TRPC7: variants seen among roughly 807,000 people sequenced by gnomAD.
TRPC7 encodes short transient receptor potential channel 7.
In TRPC7, 42 loss-of-function variants were observed where a neutral mutation model predicts 90.1. That is an observed-to-expected ratio of 0.47 (90% confidence interval 0.36 to 0.60). TRPC7 has a LOEUF of 0.60. Among genes scored for constraint, TRPC7 ranks in the 20% least tolerant of loss-of-function variants. The pLI is 0.00. For synonymous variants in TRPC7, 451 were observed against 436.3 expected (o/e 1.03, Z -0.42); for missense variants, 955 against 1,112.3 (o/e 0.86, Z 2.01).
chr5:136,304,340 T>TA (rs1758525945), intron 3 of TRPC7, among the ~76,000 whole-genome samples: 1 of 152,240 alleles, frequency 6.6e-6, no homozygotes, highest in Non-Finnish European at 1.5e-5. Flanking sequence ...TAAAGCCTGT[T>TA]ATCACTCGCC....
intron 2 of TRPC7, among the ~76,000 whole-genome samples, chr5:136,336,662 C>A (rs1759676364): frequency 6.6e-6 from 1 of 152,046 alleles, no homozygotes; most frequent in African/African-American, 2.4e-5. Flanking sequence ...CTCCCCCTTT[C>A]CCCCGATCCC....
Position 136,365,256 on chromosome 5 carries a change from GA to G in TRPC7, c.-3del, listed in dbSNP as rs1760685879. 1 of 1,537,120 alleles carries G rather than the reference GA, an allele frequency of 6.5e-7. No individual in the cohort carries two copies. Among genetic ancestry groups the G allele is most frequent in the Non-Finnish European group, 8.7e-7 (1 of 1,146,844 alleles). On this transcript the variant is annotated 5_prime_UTR_variant, in exon 1 of 12. Transcript: ENST00000513104. ...AAGAACCATCATAGCTGCTTACATT[GA>G]GGGTGTAATACGCAGGCTTGTTCCT...
intron 2 of TRPC7, among the ~76,000 whole-genome samples, chr5:136,319,044 G>A (rs1260220576): frequency 6.6e-6 from 1 of 152,070 alleles, no homozygotes; most frequent in African/African-American, 2.4e-5. Flanking sequence ...GCTGATTATT[G>A]TGCTGTAAAC....
Position 136,251,684 on chromosome 5 carries a change from A to T in TRPC7, c.1544T>A (p.Val515Asp). The T allele has an allele frequency of 6.2e-7, 1 of 1,611,648 alleles. No individual in the cohort carries two copies. The highest frequency in any genetic ancestry group is 8.5e-7 in the Non-Finnish European group (1 of 1,178,034). The change falls in exon 6 of 12, where the codon GTC becomes GAC. Residue 515 changes from valine to aspartate, a missense_variant. Val to Asp is a radical substitution (Grantham distance 152, BLOSUM62 -3). This residue lies in a region of TRPC7 where 484 missense variants were observed against 509.6 expected (regional missense o/e 0.95). Coordinates refer to ENST00000513104, the MANE Select transcript of TRPC7 (RefSeq NM_020389.3). ...GTATGCCACTTCCGGCGGAAGCGAG[A>T]CATTGTGCAGCGTGTCGTCCTGCAC... ...QHVQDDTLHN[V>D]SLPPEVAYFT...
intron 10 of TRPC7, among the ~76,000 whole-genome samples, chr5:136,219,860 C>T (rs186945029): frequency 1.3e-5 from 2 of 152,316 alleles, no homozygotes; most frequent in East Asian, 3.9e-4. Flanking sequence ...ACCAGTTTTG[C>T]CACCAGAAAG....
At chr5:136,272,601 G>A (rs1757242054) in intron 4 of TRPC7, among the ~76,000 whole-genome samples, 1 of 152,024 alleles carries the variant, frequency 6.6e-6, no homozygotes, top group African/African-American at 2.4e-5. Context: ...GCTCAGACTT[G>A]GAATCTAGAA....
intron 2 of TRPC7, among the ~76,000 whole-genome samples, chr5:136,322,496 C>T (rs1017065482): frequency 3.3e-5 from 5 of 152,076 alleles, no homozygotes; most frequent in Non-Finnish European, 7.4e-5. Context: ...TGTTCTAATG[C>T]TCCATATTTT....
At chr5:136,291,744 G>A (rs1214632493) in intron 3 of TRPC7, among the ~76,000 whole-genome samples, 8 of 152,088 alleles carry the variant, frequency 5.3e-5, no homozygotes, top group African/African-American at 1.9e-4. Context: ...GAGACAGAAA[G>A]TTAACAAGGA....
In TRPC7 at chr5:136,279,223, AC is replaced by A. The variant is rs368266768; in HGVS notation, c.964-4387del. 5.1e-3 allele frequency among the ~76,000 whole-genome samples: 779 copies of A among 152,300 alleles called. 5 individuals carry two copies. The highest frequency in any genetic ancestry group is 0.017 in the African/African-American group (719 of 41,580). ...CCAGTTTTCTAGACCAAGAGAGATT[AC>A]TTACACAAATGACCTTAATTGTTGG... On this transcript the variant is annotated intron_variant, in intron 3 of 11. Coordinates refer to ENST00000513104, the MANE Select transcript of TRPC7 (RefSeq NM_020389.3).
intron 10 of TRPC7, among the ~76,000 whole-genome samples, chr5:136,219,660 G>A (rs1755388211): frequency 6.6e-6 from 1 of 152,212 alleles, no homozygotes; most frequent in South Asian, 2.1e-4. Context: ...CAGCTACCTG[G>A]CAGGTTGAGG....
At chr5:136,252,561 C>T (rs1307868431) in intron 5 of TRPC7, among the ~76,000 whole-genome samples, 2 of 149,022 alleles carry the variant, frequency 1.3e-5, no homozygotes, top group East Asian at 3.9e-4. Flanking sequence ...TCCTCTAAGC[C>T]AGCAGCCCTT....
intron 2 of TRPC7, among the ~76,000 whole-genome samples, chr5:136,347,809 C>T (rs748794725): frequency 2.2e-4 from 33 of 152,322 alleles, no homozygotes; most frequent in Non-Finnish European, 4.6e-4. Context: ...TGTTCTGCTT[C>T]CTGTCCCTAT....
intron 2 of TRPC7, among the ~76,000 whole-genome samples, chr5:136,328,569 G>A (rs745608812): frequency 4.5e-4 from 69 of 152,208 alleles, no homozygotes; most frequent in Non-Finnish European, 8.4e-4. Context: ...CATCATGGCT[G>A]TATGATTTTG....
chr5:136,289,291 G>C (rs1757845462), intron 3 of TRPC7, among the ~76,000 whole-genome samples: 1 of 152,196 alleles, frequency 6.6e-6, no homozygotes. Flanking sequence ...ATCTCACTGG[G>C]GAGTGCCAGA....
chr5:136,361,779 ATC>A (rs1445156900), intron 1 of TRPC7, among the ~76,000 whole-genome samples: 1 of 152,158 alleles, frequency 6.6e-6, no homozygotes, highest in Non-Finnish European at 1.5e-5. Context: ...CTCAGCTTTG[ATC>A]TGTGCATCTT....
At chr5:136,291,660 C>T (rs1252383610) in intron 3 of TRPC7, among the ~76,000 whole-genome samples, 2 of 152,140 alleles carry the variant, frequency 1.3e-5, no homozygotes, top group Non-Finnish European at 2.9e-5. Flanking sequence ...GAGTGACCTA[C>T]AAAGAGACTT....
chr5:136,242,913 C>T (rs1414650951), intron 7 of TRPC7, among the ~76,000 whole-genome samples: 1 of 152,208 alleles, frequency 6.6e-6, no homozygotes, highest in Non-Finnish European at 1.5e-5. Context: ...TTTATTCACA[C>T]CTTGGGCTAA....
chr5:136,307,885 C>G (rs749052688), intron 3 of TRPC7, among the ~76,000 whole-genome samples: 1 of 152,178 alleles, frequency 6.6e-6, no homozygotes, highest in Non-Finnish European at 1.5e-5. Flanking sequence ...CTACCATGTT[C>G]TAGGTACATT....
At chr5:136,216,630 G>A (rs1408080926) in intron 10 of TRPC7, among the ~76,000 whole-genome samples, 1 of 152,228 alleles carries the variant, frequency 6.6e-6, no homozygotes, top group African/African-American at 2.4e-5. Flanking sequence ...GCTCAGTCAA[G>A]TCATCTTTCC....
Sources: allele counts gnomAD v4.1 joint callset (sites outside exome capture counted in the v4.1 genomes callset), GRCh38; gene constraint gnomAD v4.1.1; regional missense constraint gnomAD v4.1.1; transcripts MANE v1.5; gene names NCBI Gene and HGNC (gene_info 2026-07-23, HGNC 2026-07-21).